The following BRINP3 variants were observed in gnomAD, a reference collection of about 807,000 sequenced individuals.
The protein encoded by BRINP3 is BMP/retinoic acid inducible neural specific 3.
BRINP3 carries 19 observed loss-of-function variants against 71.0 expected under a neutral mutation model. The ratio of observed to expected loss-of-function variants is 0.27; its 90% CI spans 0.19 to 0.39. The LOEUF is 0.39. Among genes scored for constraint, BRINP3 ranks in the 10% least tolerant of loss-of-function variants. The pLI is 1.00. For missense variants in BRINP3, 959 were observed against 940.8 expected (o/e 1.02, Z -0.25); for synonymous variants, 380 against 337.7 (o/e 1.13, Z -1.37).
intron 6 of BRINP3, among the ~76,000 whole-genome samples, chr1:190,210,073 A>G (rs1222238931): frequency 1.3e-5 from 2 of 152,128 alleles, no homozygotes; most frequent in Non-Finnish European, 2.9e-5. Flanking sequence ...GATTTTAACA[A>G]AGTCTATGTG....
At chr1:190,355,660 T>C (rs1668680471) in intron 2 of BRINP3, among the ~76,000 whole-genome samples, 1 of 151,936 alleles carries the variant, frequency 6.6e-6, no homozygotes, top group African/African-American at 2.4e-5. Flanking sequence ...AAGAAAAACA[T>C]TTAAGTTTCT....
At chr1:190,392,787 C>A (rs1417269720) in intron 2 of BRINP3, among the ~76,000 whole-genome samples, 1 of 151,584 alleles carries the variant, frequency 6.6e-6, no homozygotes, top group Non-Finnish European at 1.5e-5. Flanking sequence ...GGAAAAAAAT[C>A]TTTATTCTCA....
chr1:190,186,157 C>A (rs1197768663), intron 6 of BRINP3, among the ~76,000 whole-genome samples: 1 of 151,926 alleles, frequency 6.6e-6, no homozygotes, highest in South Asian at 2.1e-4. Flanking sequence ...GGGTGGATTA[C>A]CTGAGGTCAG....
chr1:190,369,424 T>C (rs1224520202), intron 2 of BRINP3, among the ~76,000 whole-genome samples: 1 of 152,010 alleles, frequency 6.6e-6, no homozygotes, highest in Non-Finnish European at 1.5e-5. Flanking sequence ...TTAAAGGAGG[T>C]AATCAGGTTG....
intron 2 of BRINP3, among the ~76,000 whole-genome samples, chr1:190,437,093 T>TA (rs954472848): frequency 6.6e-6 from 1 of 151,720 alleles, no homozygotes; most frequent in Non-Finnish European, 1.5e-5. Context: ...CTTTAAATGG[T>TA]GGTTTTTATA....
intron 6 of BRINP3, among the ~76,000 whole-genome samples, chr1:190,205,032 T>G (rs1038235984): frequency 6.6e-6 from 1 of 151,822 alleles, no homozygotes; most frequent in Admixed American, 6.6e-5. Context: ...ATGTAACTTC[T>G]GAGCAGAATC....
chr1:190,283,456 T>A (rs1441027850), intron 2 of BRINP3, among the ~76,000 whole-genome samples: 3 of 151,942 alleles, frequency 2.0e-5, no homozygotes, highest in South Asian at 2.1e-4. Context: ...GTGTCATCTT[T>A]TCAGTAAATA....
intron 7 of BRINP3, among the ~76,000 whole-genome samples, chr1:190,113,972 C>G (rs1191079338): frequency 6.6e-6 from 1 of 152,126 alleles, no homozygotes; most frequent in Non-Finnish European, 1.5e-5. Context: ...TCCTATGTGT[C>G]TTCAATAAAA....
chr1:190,312,255 GT>G (rs1665587650), intron 2 of BRINP3, among the ~76,000 whole-genome samples: 1 of 150,864 alleles, frequency 6.6e-6, no homozygotes, highest in African/African-American at 2.4e-5. Context: ...TTCTTACATA[GT>G]TGAAAATGAG....
intron 2 of BRINP3, among the ~76,000 whole-genome samples, chr1:190,335,709 T>G (rs500764): frequency 0.56 from 85,162 of 151,580 alleles, 24,154 homozygotes; most frequent in Admixed American, 0.68. Flanking sequence ...ATAATCTCAA[T>G]AGAAGTAGAT....
intron 6 of BRINP3, among the ~76,000 whole-genome samples, chr1:190,211,331 C>A (rs914183156): frequency 3.3e-5 from 5 of 152,050 alleles, no homozygotes; most frequent in Non-Finnish European, 7.4e-5. Flanking sequence ...ACAAGTTCTG[C>A]CCCTCTAGAG....
chr1:190,415,038 G>T (rs1672924477), intron 2 of BRINP3, among the ~76,000 whole-genome samples: 1 of 152,192 alleles, frequency 6.6e-6, no homozygotes, highest in African/African-American at 2.4e-5. Flanking sequence ...TATTCAATTT[G>T]ATTTATATAC....
chr1:190,224,031 T>C (rs1160607699), intron 6 of BRINP3, among the ~76,000 whole-genome samples: 1 of 151,714 alleles, frequency 6.6e-6, no homozygotes. Flanking sequence ...ATGTATGGAT[T>C]GGAATATTTA....
At chr1:190,276,588 A>G (rs1348018414) in intron 3 of BRINP3, among the ~76,000 whole-genome samples, 1 of 150,916 alleles carries the variant, frequency 6.6e-6, no homozygotes, top group East Asian at 1.9e-4. Context: ...ATATTTTGTA[A>G]AACTTTTTAG....
chr1:190,145,007 T>C (rs112394075), intron 7 of BRINP3, among the ~76,000 whole-genome samples: 92 of 152,340 alleles, frequency 6.0e-4, no homozygotes, highest in African/African-American at 2.1e-3. Context: ...CATAGATACC[T>C]AACCCCTGGC....
intron 2 of BRINP3, among the ~76,000 whole-genome samples, chr1:190,340,972 T>C (rs1378634334): frequency 6.6e-6 from 1 of 151,812 alleles, no homozygotes; most frequent in East Asian, 1.9e-4. Context: ...AAAGACAAAA[T>C]TTTCTGCTCT....
intron 2 of BRINP3, among the ~76,000 whole-genome samples, chr1:190,407,312 T>C (rs1483389979): frequency 6.6e-6 from 1 of 152,236 alleles, no homozygotes; most frequent in Non-Finnish European, 1.5e-5. Context: ...GGATTATTTC[T>C]GCCATATAAG....
chr1:190,173,297 G>C (rs1652191519), intron 6 of BRINP3, among the ~76,000 whole-genome samples: 1 of 152,140 alleles, frequency 6.6e-6, no homozygotes, highest in African/African-American at 2.4e-5. Context: ...ACAAAAGCAA[G>C]AATCTGTACG....
intron 2 of BRINP3, among the ~76,000 whole-genome samples, chr1:190,419,276 A>G (rs933423610): frequency 3.9e-5 from 6 of 152,070 alleles, no homozygotes; most frequent in Non-Finnish European, 8.8e-5. Context: ...TCATTGCAAG[A>G]CACCAATTTA....
Sources: allele counts gnomAD v4.1 joint callset (sites outside exome capture counted in the v4.1 genomes callset), GRCh38; gene constraint gnomAD v4.1.1; transcripts MANE v1.5; gene names NCBI Gene and HGNC (gene_info 2026-07-23, HGNC 2026-07-21).